Variants in ERBIN observed in about 807,000 individuals in gnomAD.
ERBIN encodes the protein densin-180-like protein.
ERBIN carries 60 observed loss-of-function variants against 158.4 expected under a neutral mutation model. The observed-to-expected ratio is 0.38, with a 90% confidence interval of 0.31 to 0.47. The LOEUF (loss-of-function observed/expected upper bound fraction) is 0.47, where lower values mean the gene tolerates loss of function less well. ERBIN is among the 20% of genes least tolerant of loss of function. The pLI, the probability that ERBIN is intolerant of heterozygous loss-of-function variation, is 0.99. For missense variants in ERBIN, 1,610 were observed against 1,648.0 expected (o/e 0.98, Z 0.40); for synonymous variants, 594 against 557.2 (o/e 1.07, Z -0.93).
At chr5:65,982,170 C>T (rs2151018704) in intron 1 of ERBIN, among the ~76,000 whole-genome samples, 1 of 152,304 alleles carries the variant, frequency 6.6e-6, no homozygotes, top group African/African-American at 2.4e-5. Flanking sequence ...CCTTAATCTT[C>T]ACAGGGTGAC....
intron 1 of ERBIN, among the ~76,000 whole-genome samples, chr5:65,963,895 A>G (rs1310452665): frequency 6.6e-6 from 1 of 150,724 alleles, no homozygotes; most frequent in East Asian, 2.0e-4. Flanking sequence ...AGTATTAAAT[A>G]TAAAAGCCAT....
At chr5:65,935,555 GA>G (rs1743973698) in intron 1 of ERBIN, among the ~76,000 whole-genome samples, 1 of 152,162 alleles carries the variant, frequency 6.6e-6, no homozygotes. Flanking sequence ...TTAATTCCGT[GA>G]TAAAGTACAT....
At chr5:66,074,970 T>C in intron 22 of ERBIN, 54 bp from the exon 23 acceptor site, 1 of 1,533,244 alleles carries the variant, frequency 6.5e-7, no homozygotes, top group Non-Finnish European at 9.0e-7. Context: ...AATCCAAATA[T>C]TTGAAATAAG....
chr5:65,957,817 G>T (rs1335952869), intron 1 of ERBIN, among the ~76,000 whole-genome samples: 3 of 131,824 alleles, frequency 2.3e-5, no homozygotes, highest in Admixed American at 2.3e-4. Flanking sequence ...CCCACCTCCC[G>T]GACGGGGCGG....
chr5:66,079,327 T>C lies in ERBIN; in HGVS notation c.*797T>C, dbSNP rs1762270736. 6.6e-6 allele frequency: 1 copy of C among 152,254 alleles called. No individual in the cohort carries two copies. Among genetic ancestry groups the C allele is most frequent in the Non-Finnish European group, 1.5e-5 (1 of 68,000 alleles). The allele number at this position is 152,254 out of a possible 1,614,324, so 9.4% of individuals were successfully genotyped here. On this transcript the variant is annotated 3_prime_UTR_variant, in exon 26 of 26. Transcript: ENST00000284037. The stretch of plus-strand genomic sequence containing the variant: ...AGTCACAGGAAATTTTTAACTCTAC[T>C]GTAGATGCATGTCCATGCATTTTCT...
rs544270061 is a variant in ERBIN at position 66,013,698 on chromosome 5, A to G, written c.476+60A>G. On this transcript the variant is annotated intron_variant, in intron 6 of 25. Coordinates refer to ENST00000284037, the MANE Select transcript of ERBIN (RefSeq NM_001253697.2). ...TAGCTCTTATAAAGTTTACAAAACT[A>G]TAAGCTGCTTTGGTAGTACTACTCA... The G allele has an allele frequency of 4.0e-4, 446 of 1,125,580 alleles. 3 individuals carry two copies. Among genetic ancestry groups the G allele is most frequent in the Non-Finnish European group, 2.0e-5 (15 of 740,214 alleles). The allele number at this position is 1,125,580 out of a possible 1,614,324, so 69.7% of individuals were successfully genotyped here.
At position 66,054,160 on chromosome 5, in the gene ERBIN, T is replaced by A; in HGVS notation, c.2842T>A (p.Ser948Thr). Residue 948 changes from serine (S) to threonine (T), a missense_variant, in exon 21 of 26, where the codon TCA becomes ACA. Coordinates refer to ENST00000284037, the MANE Select transcript of ERBIN (RefSeq NM_001253697.2). ...SGTKAIFKFDSNHNPEEPNII... is the reference protein window; with the variant it reads ...SGTKAIFKFDTNHNPEEPNII... ...AACAAAGGCAATTTTCAAGTTTGAT[T>A]CAAATCATAATCCCGAAGAGCCAAA... The A allele has an allele frequency of 6.2e-7, 1 of 1,614,128 alleles. No individual in the cohort carries two copies. The highest frequency in any genetic ancestry group is 8.5e-7 in the Non-Finnish European group (1 of 1,180,014).
intron 1 of ERBIN, among the ~76,000 whole-genome samples, chr5:65,958,622 AGACCGTGGGGAGAGGGG>A (rs1469079435): frequency 3.1e-5 from 4 of 130,648 alleles, no homozygotes; most frequent in African/African-American, 1.2e-4. Context: ...AAGGAGAGGG[AGACCGTGGGGAGAGGGG>A]GAGAGAGAGG....
intron 1 of ERBIN, among the ~76,000 whole-genome samples, chr5:65,957,690 C>A (rs1390489064): frequency 6.6e-6 from 1 of 152,242 alleles, no homozygotes; most frequent in Non-Finnish European, 1.5e-5. Context: ...TCGACAAAAC[C>A]GCCATCGTCA....
rs977554636 is a variant in ERBIN at position 66,024,169 on chromosome 5, A to G, written c.673-137A>G. The G allele has an allele frequency of 5.1e-6, 3 of 585,710 alleles. No individual in the cohort carries two copies. The Admixed American group carries it at 1.1e-4, about 21-fold the overall frequency. The allele number at this position is 585,710 out of a possible 1,614,324, so 36.3% of individuals were successfully genotyped here. A position where few individuals can be genotyped will look rare whatever the true frequency, so the allele number is the denominator to read the frequency against. ...ACTGAATACATTTCTAATGGCATTT[A>G]AAAAACTACCTGGGAGTCTTCTTTC... On this transcript the variant is annotated intron_variant, in intron 9 of 25. Transcript: ENST00000284037.
intron 1 of ERBIN, among the ~76,000 whole-genome samples, chr5:65,958,779 A>G (rs149947674): frequency 2.1e-4 from 32 of 152,304 alleles, no homozygotes; most frequent in African/African-American, 7.5e-4. Flanking sequence ...TTCACTTTCA[A>G]TACAGTGTTT....
At chr5:65,960,593 G>A (rs952040272) in intron 1 of ERBIN, among the ~76,000 whole-genome samples, 2 of 152,172 alleles carry the variant, frequency 1.3e-5, no homozygotes, top group African/African-American at 2.4e-5. Context: ...CCAGAGTTAA[G>A]AATCACTGAT....
rs148737209 is a variant in ERBIN at position 65,937,863 on chromosome 5, C to T, written c.-58+11057C>T. On this transcript the variant is annotated intron_variant, in intron 1 of 25. Coordinates refer to ENST00000284037, the MANE Select transcript of ERBIN (RefSeq NM_001253697.2). ...GGCGGAGCTTGTAGTGAGCCGAGATCGTGCCACTGCACCCAGCCTGGGGGA... is the reference window on the plus strand; with the variant it reads ...GGCGGAGCTTGTAGTGAGCCGAGATTGTGCCACTGCACCCAGCCTGGGGGA... Among the ~76,000 whole-genome samples the T allele has an allele frequency of 6.4e-3, 972 of 152,196 alleles. 12 individuals are homozygous for T. The highest frequency in any genetic ancestry group is 0.022 in the African/African-American group (908 of 41,522).
In ERBIN at chr5:66,050,910, C is replaced by T. The variant is rs1758954951; in HGVS notation, c.2031C>T (p.Asp677=). 2 of 1,606,496 alleles carry T rather than the reference C, an allele frequency of 1.2e-6. No individual in the cohort carries two copies. The highest frequency in any genetic ancestry group is 1.6e-4 in the Middle Eastern group (1 of 6,068). ...CTCTTAATACTGATAGTAGTCAAGA[C>T]ACCTCACTCTGCTCTCCAGTGAAAC... ...SVSLNTDSSQ[D]TSLCSPVKQT... is the part of the protein sequence containing the mutation. The change falls in exon 20 of 26, where the codon GAC becomes GAT. Residue 677 remains aspartate (D), a synonymous_variant. Coordinates refer to ENST00000284037, the MANE Select transcript of ERBIN (RefSeq NM_001253697.2).
intron 4 of ERBIN, among the ~76,000 whole-genome samples, chr5:65,997,949 A>AC (rs1561351825): frequency 4.0e-5 from 6 of 150,558 alleles, no homozygotes; most frequent in African/African-American, 1.5e-4. Context: ...CACACACACA[A>AC]AGTTATGTTG....
intron 1 of ERBIN, among the ~76,000 whole-genome samples, chr5:65,979,817 C>T (rs4285177): frequency 0.04 from 6,113 of 152,090 alleles, 415 homozygotes; most frequent in African/African-American, 0.14. Flanking sequence ...AAATTTATAT[C>T]GATGACAGTG....
chr5:66,077,877 G>A (rs1762157868), intron 25 of ERBIN, among the ~76,000 whole-genome samples: 1 of 151,724 alleles, frequency 6.6e-6, no homozygotes, highest in East Asian at 1.9e-4. Flanking sequence ...ATTTGTGACT[G>A]AGCAAGTTAC....
chr5:66,052,483 A>G (rs1275427372), intron 20 of ERBIN, among the ~76,000 whole-genome samples: 1 of 152,166 alleles, frequency 6.6e-6, no homozygotes, highest in Non-Finnish European at 1.5e-5. Context: ...ATATTATCGT[A>G]TTAATTTGTT....
intron 15 of ERBIN, among the ~76,000 whole-genome samples, chr5:66,041,344 G>T (rs1757899333): frequency 6.6e-6 from 1 of 151,944 alleles, no homozygotes; most frequent in African/African-American, 2.4e-5. Context: ...TGGGATTGAG[G>T]ACATCAAGGA....
Sources: gnomAD v4.1 joint callset for allele counts (sites outside exome capture counted in the v4.1 genomes callset) on GRCh38, gnomAD v4.1.1 for gene constraint, MANE v1.5 for transcripts, NCBI Gene and HGNC (gene_info 2026-07-23, HGNC 2026-07-21) for gene names.